AATF: variants seen among roughly 807,000 people sequenced by gnomAD.
AATF encodes protein AATF.
Under a neutral mutation model 63.7 loss-of-function variants are expected in AATF, and 48 were observed. The observed-to-expected ratio is 0.75, with a 90% CI of 0.60 to 0.96. The LOEUF (loss-of-function observed/expected upper bound fraction) is 0.96, where lower values mean the gene tolerates loss of function less well. Ranked by LOEUF, AATF falls within the 40% of genes least tolerant of loss-of-function variation. The pLI is 0.00. For synonymous variants in AATF, 258 were observed against 247.7 expected (o/e 1.04, Z -0.39); for missense variants, 639 against 685.7 (o/e 0.93, Z 0.76).
In AATF at chr17:36,962,886, C is replaced by T. The variant is rs75129260; in HGVS notation, c.832+8979C>T. 4.7e-3 allele frequency among the ~76,000 whole-genome samples: 708 copies of T among 152,232 alleles called. 7 individuals are homozygous for T. Among genetic ancestry groups the T allele is most frequent in the African/African-American group, 0.016 (651 of 41,530 alleles). On this transcript the variant is annotated intron_variant, in intron 4 of 11. Transcript: ENST00000619387. ...CCTGTAATCCCAGTACTTTGGGAGGCCGAGGCAGGCGAATCACCTGAGGTC... is the reference window on the plus strand; with the variant it reads ...CCTGTAATCCCAGTACTTTGGGAGGTCGAGGCAGGCGAATCACCTGAGGTC...
intron 10 of AATF, among the ~76,000 whole-genome samples, chr17:37,024,822 G>T (rs1389731116): frequency 1.3e-5 from 2 of 152,064 alleles, no homozygotes; most frequent in Admixed American, 6.6e-5. Flanking sequence ...AGCCAGGTAT[G>T]GTAGCATGTG....
At chr17:37,038,983 A>T (rs555019617) in intron 11 of AATF, among the ~76,000 whole-genome samples, 2 of 152,326 alleles carry the variant, frequency 1.3e-5, no homozygotes, top group South Asian at 4.1e-4. Context: ...CAGGCAATTT[A>T]TCTTCAGCTT....
At chr17:37,024,730 A>C (rs1021231587) in intron 10 of AATF, among the ~76,000 whole-genome samples, 4 of 152,120 alleles carry the variant, frequency 2.6e-5, no homozygotes, top group African/African-American at 9.7e-5. Context: ...AGGCTGAGGC[A>C]GGTGGATGGC....
At position 36,953,711 on chromosome 17, in the gene AATF, C is replaced by T. The variant is rs1169407193; in HGVS notation, c.695-59C>T. ...GTTTCCTGTTCTTCCCCACCCCTGC[C>T]ACCTCACCCCCAGAATATTTTATTA... is the stretch of plus-strand genomic sequence containing the variant. On this transcript the variant is annotated intron_variant, in intron 3 of 11. Transcript: ENST00000619387. 1.3e-5 allele frequency: 21 copies of T among 1,556,450 alleles called. 1 individual carries two copies. Among genetic ancestry groups the T allele is most frequent in the South Asian group, 1.1e-4 (9 of 83,988 alleles).
chr17:36,991,369 A>G (rs2071213363), intron 8 of AATF, among the ~76,000 whole-genome samples: 2 of 152,216 alleles, frequency 1.3e-5, no homozygotes, highest in Non-Finnish European at 2.9e-5. Flanking sequence ...TAATAAGAGC[A>G]TAGTGCTTTT....
intron 8 of AATF, among the ~76,000 whole-genome samples, chr17:37,008,297 A>G (rs1597723314): frequency 6.6e-6 from 1 of 152,318 alleles, no homozygotes; most frequent in East Asian, 1.9e-4. Context: ...TGTGAGGTAT[A>G]ATTACCACTT....
chr17:36,960,679 T>C (rs2070939913), intron 4 of AATF, among the ~76,000 whole-genome samples: 1 of 152,202 alleles, frequency 6.6e-6, no homozygotes, highest in Non-Finnish European at 1.5e-5. Flanking sequence ...TCTCACAATG[T>C]TCTGTAGAAC....
At chr17:37,010,529 G>T (rs75089016) in intron 8 of AATF, among the ~76,000 whole-genome samples, 3,004 of 152,254 alleles carry the variant, frequency 0.02, 82 homozygotes, top group African/African-American at 0.067. Flanking sequence ...CCCTGAAGGG[G>T]ATGGAGTGGT....
At chr17:36,984,901 G>A (rs919316603) in intron 4 of AATF, among the ~76,000 whole-genome samples, 3 of 130,070 alleles carry the variant, frequency 2.3e-5, no homozygotes, top group Admixed American at 7.8e-5. Flanking sequence ...GCCTCCCACA[G>A]TTTTTTTTTT....
At chr17:36,994,900 T>C (rs978463518) in intron 8 of AATF, among the ~76,000 whole-genome samples, 2 of 152,224 alleles carry the variant, frequency 1.3e-5, no homozygotes, top group Non-Finnish European at 2.9e-5. Flanking sequence ...GTACTTGGCA[T>C]GTGTCTTGAT....
At chr17:36,996,293 G>C (rs939613862) in intron 8 of AATF, among the ~76,000 whole-genome samples, 1 of 152,156 alleles carries the variant, frequency 6.6e-6, no homozygotes, top group Non-Finnish European at 1.5e-5. Flanking sequence ...AAATGAGTCA[G>C]ATGTGATGGC....
chr17:36,982,704 T>C (rs2071136701), intron 4 of AATF, among the ~76,000 whole-genome samples: 1 of 152,178 alleles, frequency 6.6e-6, no homozygotes. Context: ...TGGTAAAATA[T>C]ACATGACATA....
chr17:37,013,653 C>T (rs1044436902), intron 8 of AATF, among the ~76,000 whole-genome samples: 2 of 152,194 alleles, frequency 1.3e-5, no homozygotes, highest in African/African-American at 4.8e-5. Flanking sequence ...GGATCTACCT[C>T]CATGGCCCAG....
intron 11 of AATF, among the ~76,000 whole-genome samples, chr17:37,034,043 C>T (rs2071571482): frequency 1.3e-5 from 2 of 152,146 alleles, no homozygotes; most frequent in African/African-American, 4.8e-5. Flanking sequence ...GGAGAAAGGG[C>T]TATCCCTTGT....
In AATF at chr17:37,021,053, A is replaced by G. The variant is rs530947734; in HGVS notation, c.1547+39A>G. ...CGGAAAAAATGTCAACATATATTGT[A>G]TATGTATCTCGTCTCTTACATTCTG... is the stretch of plus-strand genomic sequence containing the variant. On this transcript the variant is annotated intron_variant, in intron 10 of 11. Coordinates refer to ENST00000619387, the MANE Select transcript of AATF (RefSeq NM_012138.4). The G allele has an allele frequency of 9.5e-5, 138 of 1,453,618 alleles. 1 individual carries two copies. The South Asian group carries it at 1.5e-3, about 16-fold the overall frequency. The allele number at this position is 1,453,618 out of a possible 1,614,324, so 90.0% of individuals were successfully genotyped here.
At chr17:36,996,340 G>A (rs1361332412) in intron 8 of AATF, among the ~76,000 whole-genome samples, 1 of 152,158 alleles carries the variant, frequency 6.6e-6, no homozygotes, top group Non-Finnish European at 1.5e-5. Flanking sequence ...AGACTGAGGT[G>A]GGAAAATCAT....
intron 10 of AATF, among the ~76,000 whole-genome samples, chr17:37,026,504 CA>C (rs1381196434): frequency 2.0e-5 from 3 of 152,212 alleles, no homozygotes; most frequent in Non-Finnish European, 4.4e-5. Flanking sequence ...GCTCTGGAGC[CA>C]AACTGCCTAG....
At chr17:37,030,582 AT>A (rs917616052) in intron 10 of AATF, among the ~76,000 whole-genome samples, 1 of 151,614 alleles carries the variant, frequency 6.6e-6, no homozygotes, top group African/African-American at 2.4e-5. Context: ...CATACAAAAT[AT>A]TTTTTTTTCC....
At chr17:37,050,070 C>T (rs934077447) in intron 11 of AATF, among the ~76,000 whole-genome samples, 15 of 152,032 alleles carry the variant, frequency 9.9e-5, no homozygotes, top group African/African-American at 2.4e-4. Flanking sequence ...CCGCTGAACC[C>T]GGAAAAGAAC....
Sources: allele counts gnomAD v4.1 joint callset (sites outside exome capture counted in the v4.1 genomes callset), GRCh38; gene constraint gnomAD v4.1.1; transcripts MANE v1.5; gene names NCBI Gene and HGNC (gene_info 2026-07-23, HGNC 2026-07-21).